Variants in TBC1D5 observed in about 807,000 individuals in gnomAD.
TBC1D5 encodes TBC1 domain family member 5.
A neutral mutation model predicts 100.3 loss-of-function variants in TBC1D5; 75 were observed. That is an observed-to-expected ratio of 0.75 (90% CI 0.62 to 0.91). The LOEUF (loss-of-function observed/expected upper bound fraction) is 0.91, where lower values mean the gene tolerates loss of function less well. TBC1D5 is among the 40% of genes least tolerant of loss of function. The probability of loss-of-function intolerance (pLI) is 0.00; values close to 1 mark genes in which losing one functional copy is unlikely to be tolerated. For missense variants in TBC1D5, 910 were observed against 942.4 expected (o/e 0.97, Z 0.45); for synonymous variants, 323 against 325.6 (o/e 0.99, Z 0.09).
intron 13 of TBC1D5, among the ~76,000 whole-genome samples, chr3:17,353,016 GA>G (rs2090822444): frequency 6.6e-6 from 1 of 152,008 alleles, no homozygotes; most frequent in Non-Finnish European, 1.5e-5. Context: ...TTTTTGAATT[GA>G]AATTGCTATC....
intron 17 of TBC1D5, among the ~76,000 whole-genome samples, chr3:17,217,748 A>G (rs1387991101): frequency 6.6e-6 from 1 of 152,052 alleles, no homozygotes; most frequent in Non-Finnish European, 1.5e-5. Context: ...AGTGCTCTTC[A>G]TATGTTCTGG....
intron 1 of TBC1D5, among the ~76,000 whole-genome samples, chr3:17,663,262 T>TA (rs1454179430): frequency 4.7e-5 from 4 of 85,880 alleles, no homozygotes; most frequent in Non-Finnish European, 7.2e-5. Flanking sequence ...TTTGATTACA[T>TA]AAAAATTTAT....
intron 3 of TBC1D5, among the ~76,000 whole-genome samples, chr3:17,477,445 G>C (rs150289021): frequency 0.011 from 1,719 of 151,900 alleles, 25 homozygotes; most frequent in African/African-American, 0.039. Flanking sequence ...TTCTCTTTAT[G>C]TTTTCTAGAA....
intron 2 of TBC1D5, among the ~76,000 whole-genome samples, chr3:17,517,828 C>A (rs1399357303): frequency 1.3e-5 from 2 of 152,044 alleles, no homozygotes; most frequent in Non-Finnish European, 2.9e-5. Flanking sequence ...AGTTATCTAT[C>A]TTCTCTTCAG....
chr3:17,338,962 G>A (rs1218274554), intron 13 of TBC1D5, among the ~76,000 whole-genome samples: 1 of 152,230 alleles, frequency 6.6e-6, no homozygotes, highest in Non-Finnish European at 1.5e-5. Flanking sequence ...CAGATTCACA[G>A]AGGGTTTGAT....
intron 3 of TBC1D5, among the ~76,000 whole-genome samples, chr3:17,504,943 T>C (rs973224185): frequency 2.6e-5 from 4 of 152,294 alleles, no homozygotes; most frequent in Admixed American, 2.0e-4. Context: ...AGCCAGGACA[T>C]ACCTTCCTAA....
intron 3 of TBC1D5, among the ~76,000 whole-genome samples, chr3:17,504,284 G>A (rs1576400371): frequency 7.6e-5 from 1 of 13,120 alleles, no homozygotes; most frequent in African/African-American, 2.5e-4. Flanking sequence ...GTTGTGGGGT[G>A]GGGGGAGGGG....
chr3:17,471,284 C>G (rs997179194), intron 3 of TBC1D5, among the ~76,000 whole-genome samples: 2 of 152,046 alleles, frequency 1.3e-5, no homozygotes, highest in Non-Finnish European at 2.9e-5. Flanking sequence ...AGGAGTCATT[C>G]TTAAAATGCA....
intron 9 of TBC1D5, among the ~76,000 whole-genome samples, chr3:17,379,401 G>C (rs1027999430): frequency 7.9e-5 from 12 of 151,990 alleles, no homozygotes; most frequent in African/African-American, 2.9e-4. Flanking sequence ...TTTAATAAGA[G>C]TTCTTGTCTA....
chr3:17,359,806 G>A (rs2091541512), intron 13 of TBC1D5, among the ~76,000 whole-genome samples: 1 of 151,934 alleles, frequency 6.6e-6, no homozygotes, highest in African/African-American at 2.4e-5. Context: ...AGAGCAATTA[G>A]CTCTAGATAT....
chr3:17,174,430 A>C (rs1223292171), intron 19 of TBC1D5, among the ~76,000 whole-genome samples: 1 of 152,138 alleles, frequency 6.6e-6, no homozygotes, highest in Non-Finnish European at 1.5e-5. Context: ...GGTTTTCTTC[A>C]AGTGAAGCTA....
intron 21 of TBC1D5, among the ~76,000 whole-genome samples, chr3:17,166,335 T>C (rs2066590828): frequency 6.6e-6 from 1 of 152,106 alleles, no homozygotes; most frequent in Non-Finnish European, 1.5e-5. Flanking sequence ...GGCAAGAAAG[T>C]AATTTTGGCA....
intron 13 of TBC1D5, among the ~76,000 whole-genome samples, chr3:17,370,852 T>C (rs1374798868): frequency 6.6e-6 from 1 of 152,104 alleles, no homozygotes; most frequent in Admixed American, 6.6e-5. Flanking sequence ...TAAGTACACC[T>C]CAATAAAAAA....
At chr3:17,384,505 A>G (rs1323721721) in intron 8 of TBC1D5, among the ~76,000 whole-genome samples, 2 of 152,108 alleles carry the variant, frequency 1.3e-5, no homozygotes, top group Non-Finnish European at 2.9e-5. Context: ...ATATTTATTT[A>G]TAATGCAGTA....
chr3:17,599,519 T>C (rs1305081240), intron 2 of TBC1D5, among the ~76,000 whole-genome samples: 1 of 152,046 alleles, frequency 6.6e-6, no homozygotes, highest in Non-Finnish European at 1.5e-5. Flanking sequence ...AATCTCCGCA[T>C]CCTTCAAGTC....
intron 1 of TBC1D5, among the ~76,000 whole-genome samples, chr3:17,711,571 T>A (rs962030322): frequency 6.6e-6 from 1 of 152,200 alleles, no homozygotes; most frequent in African/African-American, 2.4e-5. Context: ...TATTGCTTAG[T>A]TTTTAACTTG....
chr3:17,737,447 A>C (rs2077045231), intron 1 of TBC1D5, among the ~76,000 whole-genome samples: 1 of 152,226 alleles, frequency 6.6e-6, no homozygotes, highest in Admixed American at 6.5e-5. Context: ...CCTGAAGAGA[A>C]CCTTAAGAAA....
chr3:17,619,159 G>A (rs761731185), intron 2 of TBC1D5, among the ~76,000 whole-genome samples: 6 of 152,114 alleles, frequency 3.9e-5, no homozygotes, highest in Non-Finnish European at 7.3e-5. Flanking sequence ...AGAAAAGTAG[G>A]ACTGTACAAC....
At chr3:17,742,346 G>A (rs1172544455), upstream of TBC1D5, 1 of 153,380 alleles carries the variant, frequency 6.5e-6, no homozygotes, top group Non-Finnish European at 1.5e-5. Context: ...GCGGCGCGAA[G>A]GGGGGCGAAA....
Sources: gnomAD v4.1 joint callset for allele counts (sites outside exome capture counted in the v4.1 genomes callset) on GRCh38, gnomAD v4.1.1 for gene constraint, MANE v1.5 for transcripts, NCBI Gene and HGNC (gene_info 2026-07-23, HGNC 2026-07-21) for gene names.